FMO5: variants seen among roughly 807,000 people sequenced by gnomAD.
FMO5 encodes flavin-containing monooxygenase 5.
FMO5 carries 51 observed loss-of-function variants against 43.6 expected under a neutral mutation model. That is an observed-to-expected ratio of 1.17 (90% CI 0.93 to 1.48). The LOEUF (loss-of-function observed/expected upper bound fraction) is 1.48. Ranked by LOEUF, FMO5 falls within the 40% of genes most tolerant of loss-of-function variation. The probability of loss-of-function intolerance (pLI) is 0.00; values close to 1 mark genes in which losing one functional copy is unlikely to be tolerated. For synonymous variants in FMO5, 187 were observed against 216.5 expected, an observed-to-expected ratio of 0.86 and a Z score of 1.20; for missense variants, 644 against 643.0, an observed-to-expected ratio of 1.00 and a Z score of -0.02.
intron 6 of FMO5, chr1:147,203,690 G>A: frequency 1.3e-6 from 2 of 1,488,436 alleles, no homozygotes; most frequent in Non-Finnish European, 1.9e-6. Flanking sequence ...TTCAATTTCT[G>A]TTGCTCCACC....
intron 2 of FMO5, among the ~76,000 whole-genome samples, chr1:147,223,084 G>T (rs1436334278): frequency 2.0e-5 from 3 of 152,182 alleles, no homozygotes; most frequent in African/African-American, 7.2e-5. Flanking sequence ...ACTTCTTAAA[G>T]ATGAAGAAAC....
In FMO5 at chr1:147,201,172, C is replaced by T. The variant is rs1658899922; in HGVS notation, c.1163G>A (p.Trp388Ter). 1 of 1,612,768 alleles carries T rather than the reference C, an allele frequency of 6.2e-7. No homozygotes were observed. Among genetic ancestry groups the T allele is most frequent in the Non-Finnish European group, 8.5e-7 (1 of 1,179,464 alleles). The change falls in exon 7 of 9, where the codon TGG becomes TAG. Residue 388 changes from tryptophan (W) to a stop codon, truncating the protein, a stop_gained. Transcript: ENST00000254090. LOFTEE classifies it high-confidence loss of function. ...IMPISELQGRWATQVFKGLKT... is the reference protein window; with the variant it reads ...IMPISELQGR The stretch of plus-strand genomic sequence containing the variant: ...CTTACCTTTAAATACCTGAGTGGCC[C>T]AGCGTCCTTGGAGCTCTGAAATGGG...
In FMO5 at chr1:147,192,649, T is replaced by C. The variant is rs188428222; in HGVS notation, c.1184-2400A>G. 6.2e-3 allele frequency among the ~76,000 whole-genome samples: 937 copies of C among 152,262 alleles called. 14 individuals are homozygous for C. The highest frequency in any genetic ancestry group is 0.021 in the African/African-American group (879 of 41,506). On this transcript the variant is annotated intron_variant, in intron 7 of 8. Transcript: ENST00000254090. ...TTCAGTATGATATTGGCTGTGGGTTTGTCATAGGTAGCTCTTATTATTTTC... is the reference window on the plus strand; with the variant it reads ...TTCAGTATGATATTGGCTGTGGGTTCGTCATAGGTAGCTCTTATTATTTTC...
chr1:147,216,204 G>T (rs1438996780), intron 2 of FMO5, among the ~76,000 whole-genome samples: 1 of 152,072 alleles, frequency 6.6e-6, no homozygotes, highest in Non-Finnish European at 1.5e-5. Flanking sequence ...ATTCTGCCTG[G>T]GTCTCAGAAA....
intron 7 of FMO5, among the ~76,000 whole-genome samples, chr1:147,198,694 C>CA (rs762355418): frequency 5.3e-5 from 8 of 151,352 alleles, no homozygotes; most frequent in Non-Finnish European, 8.9e-5. Context: ...ATTAAAAACA[C>CA]AAAAAAACTA....
chr1:147,219,497 A>G (rs1267822374), intron 2 of FMO5, among the ~76,000 whole-genome samples: 1 of 152,174 alleles, frequency 6.6e-6, no homozygotes. Flanking sequence ...TTGATAAAGA[A>G]CATCTACAAA....
At chr1:147,205,710 C>T (rs938871790) in intron 6 of FMO5, among the ~76,000 whole-genome samples, 1 of 152,108 alleles carries the variant, frequency 6.6e-6, no homozygotes, top group African/African-American at 2.4e-5. Context: ...ACTGGCTAGC[C>T]ATATGTACAA....
chr1:147,208,613 G>A (rs6674519), intron 6 of FMO5: 12,389 of 354,196 alleles, frequency 0.035, 382 homozygotes, highest in South Asian at 0.085. Context: ...CTAATTTTGT[G>A]TTTTTAGTAG....
At position 147,218,235 on chromosome 1, in the gene FMO5, C is replaced by T. The variant is rs587631695; in HGVS notation, c.136-2293G>A. Among the ~76,000 whole-genome samples the T allele has an allele frequency of 6.9e-5, 7 of 100,784 alleles. No homozygotes were observed. In the East Asian group the frequency reaches 1.5e-3, roughly 22 times the overall value. The allele number at this position is 100,784 out of a possible 152,430, so 66.1% of individuals were successfully genotyped here. ...GGTTTAGTAAATTATAGTATCTCAA[C>T]ATGCAGAATTTTTTTTTTTGAGATG... On this transcript the variant is annotated intron_variant, in intron 2 of 8. Transcript: ENST00000254090.
chr1:147,198,545 A>G (rs1450012377), intron 7 of FMO5, among the ~76,000 whole-genome samples: 3 of 151,888 alleles, frequency 2.0e-5, no homozygotes, highest in Admixed American at 1.3e-4. Context: ...AAGTATGGTA[A>G]AGACTAGTGA....
At chr1:147,200,262 C>G (rs1275479268) in intron 7 of FMO5, among the ~76,000 whole-genome samples, 1 of 152,200 alleles carries the variant, frequency 6.6e-6, no homozygotes, top group Non-Finnish European at 1.5e-5. Flanking sequence ...CTGAGTAAAT[C>G]TAATCCTTCT....
In FMO5 at chr1:147,215,941, T is replaced by C. The variant is rs1661910739; in HGVS notation, c.137A>G (p.Glu46Gly). 1 of 1,602,926 alleles carries C rather than the reference T, an allele frequency of 6.2e-7. No individual in the cohort carries two copies. The highest frequency in any genetic ancestry group is 8.5e-7 in the Non-Finnish European group (1 of 1,174,600). ...DDIGGLWRFQ[E>G]NPEEGRASIY... is the part of the protein sequence containing the mutation. ...ACTGGCCCTTCCTTCTTCAGGATTT[T>C]CCTGCAATAAATAGAAAGTATTCAT... The change falls in exon 3 of 9, where the codon GAA becomes GGA. Residue 46 changes from glutamate (E) to glycine (G), a missense_variant and splice_region_variant. By Grantham distance (98) the Glu-to-Gly change is moderately conservative (BLOSUM62 -2). Coordinates refer to ENST00000254090, the MANE Select transcript of FMO5 (RefSeq NM_001461.4).
rs191124925 is a variant in FMO5 at position 147,203,458 on chromosome 1, G to C, written c.831-1954C>G. 8 of 832,230 alleles carry C rather than the reference G, an allele frequency of 9.6e-6. No individual in the cohort carries two copies. The East Asian group carries it at 1.9e-4, about 20-fold the overall frequency. The allele number at this position is 832,230 out of a possible 1,614,324, so 51.6% of individuals were successfully genotyped here. On this transcript the variant is annotated intron_variant, in intron 6 of 8. Transcript: ENST00000254090. The stretch of plus-strand genomic sequence containing the variant: ...ACCAGCTTCCAACATGTCCGTTACA[G>C]CAGGGACTACAGCCTCAGTATCTAA...
At chr1:147,203,109 G>GT (rs1418673306) in intron 6 of FMO5, among the ~76,000 whole-genome samples, 8,026 of 41,484 alleles carry the variant, frequency 0.19, 235 homozygotes, top group African/African-American at 0.28. Flanking sequence ...TAGACCAAAG[G>GT]TTTCCTTTTT....
rs587698254 is a variant in FMO5, at chr1:147,224,771, A to T, written c.135+124T>A. The T allele has an allele frequency of 1.3e-4, 108 of 850,726 alleles. No individual in the cohort carries two copies. In the African/African-American group the frequency reaches 1.5e-3, roughly 11 times the overall value. The allele number at this position is 850,726 out of a possible 1,614,324, so 52.7% of individuals were successfully genotyped here. A position where few individuals can be genotyped will look rare whatever the true frequency, so the allele number is the denominator to read the frequency against. ...GTGATCCGCCCGCCTCGGCCTCCCA[A>T]AGTGCTAGGATTACAGGCGTGTGCC... On this transcript the variant is annotated intron_variant, in intron 2 of 8. Coordinates refer to ENST00000254090, the MANE Select transcript of FMO5 (RefSeq NM_001461.4).
chr1:147,197,005 A>G (rs1553919951), intron 7 of FMO5, among the ~76,000 whole-genome samples: 1 of 152,126 alleles, frequency 6.6e-6, no homozygotes. Flanking sequence ...CATATCTTCT[A>G]AACTGGAGAT....
At chr1:147,224,108 G>C (rs897282587) in intron 2 of FMO5, 1 of 354,660 alleles carries the variant, frequency 2.8e-6, no homozygotes, top group African/African-American at 2.2e-5. Context: ...CATTATCAAG[G>C]GTGAGGTAAG....
chr1:147,214,716 C>T (rs900088440), intron 3 of FMO5: 23 of 152,110 alleles, frequency 1.5e-4, no homozygotes, highest in African/African-American at 5.1e-4. Context: ...CGAGCTGCAA[C>T]GTATAGATCT....
intron 6 of FMO5, chr1:147,204,466 T>C: frequency 7.0e-7 from 1 of 1,428,344 alleles, no homozygotes; most frequent in Non-Finnish European, 9.9e-7. Flanking sequence ...TTCATCAACA[T>C]CTCGAAGGTT....
Sources: allele counts gnomAD v4.1 joint callset (sites outside exome capture counted in the v4.1 genomes callset), GRCh38; gene constraint gnomAD v4.1.1; transcripts MANE v1.5; gene names NCBI Gene and HGNC (gene_info 2026-07-23, HGNC 2026-07-21).